The following GALNT13 variants were observed in gnomAD, a reference collection of about 807,000 sequenced individuals.
GALNT13 encodes the protein polypeptide N-acetylgalactosaminyltransferase 13.
GALNT13 carries 28 observed loss-of-function variants against 64.2 expected under a neutral mutation model. The ratio of observed to expected loss-of-function variants is 0.44; its 90% confidence interval spans 0.32 to 0.60. The LOEUF (loss-of-function observed/expected upper bound fraction) is 0.60. Among genes scored for constraint, GALNT13 ranks in the 20% least tolerant of loss-of-function variants. The pLI is 0.05. For missense variants in GALNT13, 577 were observed against 669.8 expected, an observed-to-expected ratio of 0.86 and a Z score of 1.53; for synonymous variants, 214 against 224.6, an observed-to-expected ratio of 0.95 and a Z score of 0.42.
the GALNT13 span, among the ~76,000 whole-genome samples, chr2:153,598,446 G>T: frequency 2.6e-5 from 4 of 151,950 alleles, no homozygotes; most frequent in Admixed American, 6.6e-5. Flanking sequence ...CCTATCTAAA[G>T]CAAACTCCTG....
chr2:153,267,829 C>T, the GALNT13 span, among the ~76,000 whole-genome samples: 319 of 152,312 alleles, frequency 2.1e-3, no homozygotes, highest in South Asian at 0.01. Flanking sequence ...CATCATCAGG[C>T]TGCAAATTTT....
chr2:153,825,993 G>C, the GALNT13 span, among the ~76,000 whole-genome samples: 1 of 151,986 alleles, frequency 6.6e-6, no homozygotes, highest in Non-Finnish European at 1.5e-5. Context: ...ATTTTCTCTA[G>C]AACATGTCTA....
chr2:153,770,096 G>A, the GALNT13 span, among the ~76,000 whole-genome samples: 1 of 152,092 alleles, frequency 6.6e-6, no homozygotes, highest in African/African-American at 2.4e-5. Context: ...ATCCATTGCT[G>A]GAGAGTTAAT....
the GALNT13 span, among the ~76,000 whole-genome samples, chr2:153,100,780 G>C: frequency 6.6e-6 from 1 of 152,192 alleles, no homozygotes; most frequent in Non-Finnish European, 1.5e-5. Context: ...TGTAATCCCA[G>C]CACTTTGCGG....
chr2:153,600,731 G>T, the GALNT13 span, among the ~76,000 whole-genome samples: 1 of 152,014 alleles, frequency 6.6e-6, no homozygotes, highest in Non-Finnish European at 1.5e-5. Context: ...GCTATGTAAA[G>T]AATTAACTTT....
the GALNT13 span, among the ~76,000 whole-genome samples, chr2:153,714,027 C>CA: frequency 6.6e-6 from 1 of 152,082 alleles, no homozygotes; most frequent in Non-Finnish European, 1.5e-5. Flanking sequence ...GGAAAGTTCC[C>CA]AGGGGCTATG....
the GALNT13 span, among the ~76,000 whole-genome samples, chr2:153,356,013 TA>T: frequency 6.6e-6 from 1 of 152,304 alleles, no homozygotes; most frequent in South Asian, 2.1e-4. Context: ...GAAGGGGTCT[TA>T]GGCGTCTCTA....
chr2:153,206,211 G>A, the GALNT13 span, among the ~76,000 whole-genome samples: 2 of 152,042 alleles, frequency 1.3e-5, no homozygotes, highest in Non-Finnish European at 2.9e-5. Flanking sequence ...GTGATATTTA[G>A]ACACTAGAGT....
intron 4 of GALNT13, among the ~76,000 whole-genome samples, chr2:154,237,324 A>T (rs1689243830): frequency 1.3e-5 from 2 of 151,720 alleles, no homozygotes; most frequent in South Asian, 4.1e-4. Flanking sequence ...AAAAGTGGTG[A>T]AATTATCCTT....
the GALNT13 span, among the ~76,000 whole-genome samples, chr2:153,538,200 G>C: frequency 5.9e-5 from 9 of 152,084 alleles, no homozygotes; most frequent in Admixed American, 5.9e-4. Context: ...GGTGACTCTT[G>C]CTATGCTTTA....
At chr2:153,406,878 T>C in the GALNT13 span, among the ~76,000 whole-genome samples, 1 of 152,168 alleles carries the variant, frequency 6.6e-6, no homozygotes, top group Non-Finnish European at 1.5e-5. Context: ...CTCTTAAACA[T>C]TCTAAACTGT....
In GALNT13 at chr2:154,212,249, G is replaced by A. The variant is rs151000781; in HGVS notation, c.312-29781G>A. 2.2e-3 allele frequency among the ~76,000 whole-genome samples: 337 copies of A among 151,840 alleles called. 2 individuals are homozygous for A. Among genetic ancestry groups the A allele is most frequent in the African/African-American group, 7.7e-3 (318 of 41,352 alleles). On this transcript the variant is annotated intron_variant, in intron 4 of 12. Transcript: ENST00000392825. ...TAGCGTTTTGAAGAAATTCAATCAG[G>A]CATTTTTTTTTTTGAGACGGAGTCT...
At chr2:153,689,258 T>C in the GALNT13 span, among the ~76,000 whole-genome samples, 1 of 152,064 alleles carries the variant, frequency 6.6e-6, no homozygotes, top group Non-Finnish European at 1.5e-5. Context: ...GTATGTCGAA[T>C]AATATGGATT....
the GALNT13 span, among the ~76,000 whole-genome samples, chr2:153,545,123 G>T: frequency 6.6e-6 from 1 of 152,032 alleles, no homozygotes; most frequent in Non-Finnish European, 1.5e-5. Flanking sequence ...AAAAAGGAGC[G>T]CTTAACCCAG....
intron 9 of GALNT13, among the ~76,000 whole-genome samples, chr2:154,310,851 A>G (rs1693992597): frequency 1.3e-5 from 2 of 152,078 alleles, no homozygotes; most frequent in South Asian, 4.1e-4. Context: ...CCTTCCACAT[A>G]AAGTTTTTTG....
At chr2:154,222,083 T>G (rs1688354436) in intron 4 of GALNT13, among the ~76,000 whole-genome samples, 1 of 152,116 alleles carries the variant, frequency 6.6e-6, no homozygotes, top group African/African-American at 2.4e-5. Flanking sequence ...AAAAATATTT[T>G]TTTCTCACCA....
intron 2 of GALNT13, among the ~76,000 whole-genome samples, chr2:153,902,852 G>C (rs1002206098): frequency 1.3e-5 from 2 of 152,076 alleles, no homozygotes; most frequent in East Asian, 3.8e-4. Flanking sequence ...GGTCACAAAA[G>C]TAAAACATAC....
At chr2:153,184,454 C>G in the GALNT13 span, among the ~76,000 whole-genome samples, 13 of 151,970 alleles carry the variant, frequency 8.6e-5, no homozygotes, top group African/African-American at 3.1e-4. Flanking sequence ...TATTTGAATA[C>G]GCTTCATTTC....
chr2:153,543,923 G>C, the GALNT13 span, among the ~76,000 whole-genome samples: 1 of 152,298 alleles, frequency 6.6e-6, no homozygotes, highest in Admixed American at 6.5e-5. Context: ...GAAGTGTAAT[G>C]AAGCAGGCAA....
Sources: gnomAD v4.1 joint callset for allele counts (sites outside exome capture counted in the v4.1 genomes callset) on GRCh38, gnomAD v4.1.1 for gene constraint, MANE v1.5 for transcripts, NCBI Gene and HGNC (gene_info 2026-07-23, HGNC 2026-07-21) for gene names.